The following SORCS3 variants were observed in gnomAD, a reference collection of about 807,000 sequenced individuals.
The protein encoded by SORCS3 is sortilin related VPS10 domain containing receptor 3.
SORCS3 carries 57 observed loss-of-function variants against 146.3 expected under a neutral mutation model. The ratio of observed to expected loss-of-function variants is 0.39; its 90% CI spans 0.31 to 0.49. SORCS3 has a LOEUF of 0.49. SORCS3 is among the 20% of genes least tolerant of loss of function. The pLI is 0.92. For missense variants in SORCS3, 1,341 were observed against 1,575.5 expected (o/e 0.85, Z 2.52); for synonymous variants, 653 against 618.5 (o/e 1.06, Z -0.83).
intron 3 of SORCS3, among the ~76,000 whole-genome samples, chr10:104,919,263 G>A (rs2019062039): frequency 1.3e-5 from 2 of 152,132 alleles, no homozygotes; most frequent in African/African-American, 2.4e-5. Flanking sequence ...TCACCAAAGT[G>A]TAGTTAACTC....
At chr10:104,680,604 G>C (rs1374961857) in intron 1 of SORCS3, among the ~76,000 whole-genome samples, 1 of 152,230 alleles carries the variant, frequency 6.6e-6, no homozygotes, top group East Asian at 1.9e-4. Flanking sequence ...CTGTAAAATG[G>C]GGATAATTCA....
At chr10:104,671,861 A>T (rs1308869327) in intron 1 of SORCS3, among the ~76,000 whole-genome samples, 1 of 152,104 alleles carries the variant, frequency 6.6e-6, no homozygotes, top group Non-Finnish European at 1.5e-5. Context: ...AGATGCTGCC[A>T]CATTTGGTTT....
intron 1 of SORCS3, among the ~76,000 whole-genome samples, chr10:104,757,860 C>T (rs897134395): frequency 2.0e-5 from 1 of 50,448 alleles, no homozygotes. Context: ...TGCCACCACC[C>T]CCCCCCCCAC....
intron 1 of SORCS3, among the ~76,000 whole-genome samples, chr10:104,724,441 A>T (rs1217007694): frequency 2.6e-5 from 4 of 151,920 alleles, no homozygotes; most frequent in African/African-American, 9.7e-5. Context: ...GGTGAATCTG[A>T]CAATTATGTG....
At chr10:105,174,561 T>G (rs2056384512) in intron 13 of SORCS3, among the ~76,000 whole-genome samples, 1 of 152,172 alleles carries the variant, frequency 6.6e-6, no homozygotes, top group African/African-American at 2.4e-5. Flanking sequence ...AGTTTTATTC[T>G]TCATAACTGC....
chr10:105,049,380 A>T (rs898622312), intron 5 of SORCS3, among the ~76,000 whole-genome samples: 3 of 151,394 alleles, frequency 2.0e-5, no homozygotes, highest in Non-Finnish European at 2.9e-5. Context: ...CCCTTCCAGA[A>T]CTCCCCTTAC....
intron 7 of SORCS3, among the ~76,000 whole-genome samples, chr10:105,106,642 A>G (rs1183720698): frequency 6.6e-6 from 1 of 152,174 alleles, no homozygotes; most frequent in East Asian, 1.9e-4. Context: ...CATCGCAGTT[A>G]CTTCTATCTA....
chr10:105,142,330 T>C (rs2056100866), intron 8 of SORCS3, among the ~76,000 whole-genome samples: 1 of 152,176 alleles, frequency 6.6e-6, no homozygotes, highest in South Asian at 2.1e-4. Context: ...GGGAAATGGC[T>C]TATTGCAGAC....
chr10:105,103,828 A>G (rs146867102), intron 6 of SORCS3, among the ~76,000 whole-genome samples: 2 of 152,328 alleles, frequency 1.3e-5, no homozygotes, highest in East Asian at 1.9e-4. Context: ...CCATTAAAAT[A>G]TTTCTTTCTT....
At chr10:104,868,543 G>A (rs1246186534) in intron 2 of SORCS3, among the ~76,000 whole-genome samples, 1 of 152,176 alleles carries the variant, frequency 6.6e-6, no homozygotes, top group Admixed American at 6.5e-5. Flanking sequence ...TGGCTTCCAG[G>A]CCAGACTTTG....
chr10:104,654,204 T>C (rs1313208020), intron 1 of SORCS3, among the ~76,000 whole-genome samples: 1 of 152,252 alleles, frequency 6.6e-6, no homozygotes, highest in African/African-American at 2.4e-5. Context: ...CATTCATCTG[T>C]TGATGGACAG....
chr10:105,168,814 A>G (rs1387666320), intron 13 of SORCS3, among the ~76,000 whole-genome samples: 1 of 152,150 alleles, frequency 6.6e-6, no homozygotes, highest in Non-Finnish European at 1.5e-5. Context: ...TTATAGTGAA[A>G]TAGTTCTACC....
chr10:104,741,030 T>C (rs1229467667), intron 1 of SORCS3, among the ~76,000 whole-genome samples: 1 of 151,986 alleles, frequency 6.6e-6, no homozygotes, highest in Non-Finnish European at 1.5e-5. Context: ...GGTCCTATCA[T>C]AGCTCATTGT....
intron 14 of SORCS3, among the ~76,000 whole-genome samples, chr10:105,193,229 G>A (rs1438823217): frequency 6.6e-6 from 1 of 152,146 alleles, no homozygotes; most frequent in Non-Finnish European, 1.5e-5. Flanking sequence ...AGGGTGACAA[G>A]GGACAGAGCA....
At chr10:104,889,151 C>G (rs1376777353) in intron 2 of SORCS3, among the ~76,000 whole-genome samples, 2 of 151,424 alleles carry the variant, frequency 1.3e-5, no homozygotes, top group African/African-American at 2.4e-5. Flanking sequence ...TTTTTTTACC[C>G]CATCTTTTTG....
At chr10:105,068,208 T>G (rs2133723768) in intron 5 of SORCS3, among the ~76,000 whole-genome samples, 1 of 152,308 alleles carries the variant, frequency 6.6e-6, no homozygotes, top group East Asian at 1.9e-4. Context: ...CCCAACTTGG[T>G]TAAATGAGTT....
chr10:104,948,340 C>G (rs568589453), intron 3 of SORCS3, among the ~76,000 whole-genome samples: 52 of 152,140 alleles, frequency 3.4e-4, no homozygotes, highest in South Asian at 1.2e-3. Flanking sequence ...TGGGTCATTA[C>G]CAGTAAAATC....
chr10:104,754,410 C>G (rs2017023017), intron 1 of SORCS3, among the ~76,000 whole-genome samples: 2 of 152,148 alleles, frequency 1.3e-5, no homozygotes, highest in South Asian at 4.1e-4. Context: ...GAATCATGGG[C>G]ACCTTTGAGC....
At chr10:104,709,540 C>A (rs1428607684) in intron 1 of SORCS3, among the ~76,000 whole-genome samples, 1 of 152,150 alleles carries the variant, frequency 6.6e-6, no homozygotes, top group African/African-American at 2.4e-5. Flanking sequence ...TACTGAGCAC[C>A]TACTCTGCTT....
Sources: allele counts gnomAD v4.1 joint callset (sites outside exome capture counted in the v4.1 genomes callset), GRCh38; gene constraint gnomAD v4.1.1; transcripts MANE v1.5; gene names NCBI Gene and HGNC (gene_info 2026-07-23, HGNC 2026-07-21).